The following CEP112 variants were observed in gnomAD, a reference collection of about 807,000 sequenced individuals.
CEP112 encodes centrosomal protein 112.
Under a neutral mutation model 153.0 loss-of-function variants are expected in CEP112, and 127 were observed. The ratio of observed to expected loss-of-function variants is 0.83; its 90% CI spans 0.72 to 0.96. The LOEUF is 0.96. CEP112 is among the 40% of genes least tolerant of loss of function. CEP112 has a pLI of 0.00. For missense variants in CEP112, 1,089 were observed against 1,101.2 expected, an observed-to-expected ratio of 0.99 and a Z score of 0.16; for synonymous variants, 358 against 374.4, an observed-to-expected ratio of 0.96 and a Z score of 0.51.
At chr17:65,975,422 C>T (rs1392335352) in intron 17 of CEP112, among the ~76,000 whole-genome samples, 1 of 151,990 alleles carries the variant, frequency 6.6e-6, no homozygotes, top group Non-Finnish European at 1.5e-5. Context: ...TATAAAAACA[C>T]ACATATGTAA....
At chr17:66,157,587 T>C (rs925389518) in intron 4 of CEP112, among the ~76,000 whole-genome samples, 41 of 151,578 alleles carry the variant, frequency 2.7e-4, no homozygotes, top group Non-Finnish European at 3.2e-4. Context: ...GACTGGGAAA[T>C]TGGATAAAGA....
At chr17:66,104,588 G>T (rs538204006) in intron 6 of CEP112, among the ~76,000 whole-genome samples, 21 of 152,252 alleles carry the variant, frequency 1.4e-4, no homozygotes, top group Admixed American at 4.6e-4. Context: ...CTCAGCTTGA[G>T]GAAGGGAGAG....
At chr17:65,946,803 G>A (rs989952747) in intron 18 of CEP112, among the ~76,000 whole-genome samples, 2 of 151,820 alleles carry the variant, frequency 1.3e-5, no homozygotes. Context: ...TTATAACATG[G>A]AGACTTCAAA....
chr17:65,812,026 T>A (rs754531878), intron 21 of CEP112, among the ~76,000 whole-genome samples: 1 of 151,936 alleles, frequency 6.6e-6, no homozygotes, highest in Admixed American at 6.6e-5. Context: ...TTTTTTGAGA[T>A]GGAGTCTCAC....
At chr17:65,669,289 G>C (rs1488793633) in intron 24 of CEP112, among the ~76,000 whole-genome samples, 3 of 152,276 alleles carry the variant, frequency 2.0e-5, no homozygotes, top group African/African-American at 4.8e-5. Flanking sequence ...ACTAGATTTG[G>C]TGGCAAGAAA....
intron 8 of CEP112, among the ~76,000 whole-genome samples, chr17:66,090,838 G>A (rs1311776373): frequency 1.3e-5 from 2 of 152,022 alleles, no homozygotes; most frequent in Non-Finnish European, 2.9e-5. Context: ...TGAAAGTGAA[G>A]GAAGAGGAAA....
intron 24 of CEP112, among the ~76,000 whole-genome samples, chr17:65,659,107 A>G (rs1462254974): frequency 1.3e-5 from 2 of 151,868 alleles, no homozygotes; most frequent in Non-Finnish European, 2.9e-5. Context: ...TGGTCTAGAT[A>G]GCAGATTAAT....
intron 16 of CEP112, among the ~76,000 whole-genome samples, chr17:66,024,412 A>C (rs1296201003): frequency 6.6e-6 from 1 of 152,132 alleles, no homozygotes; most frequent in Non-Finnish European, 1.5e-5. Context: ...TATACCTAAA[A>C]AACCCTAACA....
intron 24 of CEP112, among the ~76,000 whole-genome samples, chr17:65,665,846 C>T (rs1220452075): frequency 2.0e-5 from 3 of 152,082 alleles, no homozygotes; most frequent in Non-Finnish European, 4.4e-5. Flanking sequence ...AGACTTTGTA[C>T]CCTATGAGCT....
At chr17:66,086,563 C>T (rs2067945941) in intron 8 of CEP112, among the ~76,000 whole-genome samples, 1 of 151,456 alleles carries the variant, frequency 6.6e-6, no homozygotes, top group Admixed American at 6.6e-5. Flanking sequence ...GCCACCATGC[C>T]CGAGTAATTT....
chr17:66,063,128 G>C, intron 10 of CEP112, 47 bp from the exon 11 acceptor site: 1 of 867,238 alleles, frequency 1.2e-6, no homozygotes, highest in Non-Finnish European at 1.7e-6. Flanking sequence ...TAGGTACATA[G>C]AGTTTGATGA....
At chr17:66,020,284 C>G (rs1455366064) in intron 16 of CEP112, among the ~76,000 whole-genome samples, 1 of 152,146 alleles carries the variant, frequency 6.6e-6, no homozygotes, top group Admixed American at 6.5e-5. Flanking sequence ...ATGAAATATA[C>G]TTAACATTTT....
intron 16 of CEP112, among the ~76,000 whole-genome samples, chr17:66,009,568 TAA>T (rs2064425362): frequency 6.6e-6 from 1 of 152,216 alleles, no homozygotes; most frequent in Non-Finnish European, 1.5e-5. Flanking sequence ...ATTTTCCAGG[TAA>T]ACTTTCAGGA....
chr17:65,844,553 C>T (rs765837343), intron 21 of CEP112, among the ~76,000 whole-genome samples: 5 of 151,366 alleles, frequency 3.3e-5, no homozygotes, highest in East Asian at 1.9e-4. Flanking sequence ...GATGTGGTGG[C>T]GCATGCCTGT....
chr17:65,681,377 C>T (rs2047514896), intron 24 of CEP112, among the ~76,000 whole-genome samples: 1 of 151,962 alleles, frequency 6.6e-6, no homozygotes, highest in Non-Finnish European at 1.5e-5. Flanking sequence ...TTATATCCCT[C>T]TATGCTCTTC....
intron 16 of CEP112, among the ~76,000 whole-genome samples, chr17:66,008,255 G>A (rs1196624104): frequency 6.6e-6 from 1 of 152,034 alleles, no homozygotes; most frequent in Non-Finnish European, 1.5e-5. Context: ...TTTTTGTGAT[G>A]AGAACATTTA....
At chr17:65,697,700 T>G (rs2048424101) in intron 23 of CEP112, among the ~76,000 whole-genome samples, 1 of 152,106 alleles carries the variant, frequency 6.6e-6, no homozygotes, top group Non-Finnish European at 1.5e-5. Context: ...GCCACTATAG[T>G]TTCTGTTTTA....
intron 24 of CEP112, among the ~76,000 whole-genome samples, chr17:65,650,119 C>G (rs1196593813): frequency 2.6e-5 from 4 of 152,192 alleles, no homozygotes; most frequent in Non-Finnish European, 5.9e-5. Flanking sequence ...ATGCCCTGTG[C>G]TTTTTCTCAC....
chr17:65,782,482 T>C (rs1413964262), intron 21 of CEP112, among the ~76,000 whole-genome samples: 4 of 152,118 alleles, frequency 2.6e-5, no homozygotes, highest in Non-Finnish European at 1.5e-5. Flanking sequence ...AGCAATCCCA[T>C]TACTGGGTAT....
Sources: gnomAD v4.1 joint callset for allele counts (sites outside exome capture counted in the v4.1 genomes callset) on GRCh38, gnomAD v4.1.1 for gene constraint, MANE v1.5 for transcripts, NCBI Gene and HGNC (gene_info 2026-07-23, HGNC 2026-07-21) for gene names.